The following NPSR1 variants were observed in gnomAD, a reference collection of about 807,000 sequenced individuals.
NPSR1 encodes the protein neuropeptide S receptor.
NPSR1 carries 48 observed loss-of-function variants against 46.9 expected under a neutral mutation model. The observed-to-expected ratio is 1.02, with a 90% confidence interval of 0.81 to 1.30. The LOEUF (loss-of-function observed/expected upper bound fraction) is 1.30. NPSR1 is among the 50% of genes most tolerant of loss of function. The pLI is 0.00. For synonymous variants in NPSR1, 176 were observed against 168.1 expected (o/e 1.05, Z -0.36); for missense variants, 450 against 449.5 (o/e 1.00, Z -0.01).
intron 1 of NPSR1, among the ~76,000 whole-genome samples, chr7:34,667,435 G>A (rs528631924): frequency 5.9e-5 from 9 of 152,264 alleles, no homozygotes; most frequent in Admixed American, 5.2e-4. Flanking sequence ...GGGGAGGACC[G>A]ATGCTCTTCC....
At chr7:34,681,155 C>A (rs1181273305) in intron 1 of NPSR1, among the ~76,000 whole-genome samples, 1 of 152,112 alleles carries the variant, frequency 6.6e-6, no homozygotes, top group East Asian at 1.9e-4. Context: ...TCAAGTTCTG[C>A]CCTGCCTCCA....
chr7:34,663,807 A>T (rs919939810), intron 1 of NPSR1, among the ~76,000 whole-genome samples: 9 of 152,168 alleles, frequency 5.9e-5, no homozygotes, highest in African/African-American at 2.2e-4. Context: ...ACCCTCTTGC[A>T]ACAGAAAAAA....
intron 2 of NPSR1, among the ~76,000 whole-genome samples, chr7:34,700,359 T>C (rs1435033427): frequency 6.6e-6 from 1 of 152,170 alleles, no homozygotes; most frequent in Non-Finnish European, 1.5e-5. Context: ...CTAGCAAACA[T>C]GGCCACAATA....
chr7:34,798,042 A>G (rs903425105), intron 3 of NPSR1, among the ~76,000 whole-genome samples: 7 of 152,208 alleles, frequency 4.6e-5, no homozygotes, highest in African/African-American at 1.7e-4. Flanking sequence ...TTCTTCAGAT[A>G]AAGGGGAAAA....
intron 2 of NPSR1, among the ~76,000 whole-genome samples, chr7:34,696,252 A>G (rs1345187659): frequency 6.6e-6 from 1 of 152,064 alleles, no homozygotes; most frequent in African/African-American, 2.4e-5. Flanking sequence ...CATAAGGGGG[A>G]GCTAAATATC....
chr7:34,794,624 ACAC>A (rs930210196), intron 3 of NPSR1, among the ~76,000 whole-genome samples: 3 of 152,176 alleles, frequency 2.0e-5, no homozygotes, highest in Non-Finnish European at 4.4e-5. Context: ...AAAGAAAACT[ACAC>A]CAAGTCTCTA....
intron 2 of NPSR1, among the ~76,000 whole-genome samples, chr7:34,749,659 G>T (rs1785405758): frequency 6.6e-6 from 1 of 152,210 alleles, no homozygotes; most frequent in Admixed American, 6.5e-5. Flanking sequence ...GGGTTGTTGA[G>T]TAAGGGCAGA....
chr7:34,702,440 C>T (rs1035272039), intron 2 of NPSR1, among the ~76,000 whole-genome samples: 1 of 152,218 alleles, frequency 6.6e-6, no homozygotes, highest in African/African-American at 2.4e-5. Flanking sequence ...AATTAAGGAA[C>T]AGTCTCTGGC....
At chr7:34,772,012 G>A (rs867459746) in intron 2 of NPSR1, among the ~76,000 whole-genome samples, 12 of 152,156 alleles carry the variant, frequency 7.9e-5, no homozygotes, top group East Asian at 5.8e-4. Flanking sequence ...GATGCTTTGC[G>A]GTAGGCACAT....
intron 8 of NPSR1, 93 bp downstream of exon 8, chr7:34,848,756 C>A (rs1584140837): frequency 2.8e-6 from 3 of 1,090,650 alleles, no homozygotes; most frequent in Admixed American, 4.3e-5. Flanking sequence ...AACTCTCCAG[C>A]AGGTTACAGG....
chr7:34,857,810 T>C (rs1374923472), intron 8 of NPSR1, among the ~76,000 whole-genome samples: 1 of 151,726 alleles, frequency 6.6e-6, no homozygotes, highest in East Asian at 1.9e-4. Flanking sequence ...GACCAAGATC[T>C]AGTATTTGTA....
chr7:34,680,941 T>A (rs11769589), intron 1 of NPSR1, among the ~76,000 whole-genome samples: 1 of 124,500 alleles, frequency 8.0e-6, no homozygotes, highest in Non-Finnish European at 1.8e-5. Context: ...TTGATAAAGG[T>A]TTTTTTTTTT....
intron 2 of NPSR1, among the ~76,000 whole-genome samples, chr7:34,690,675 A>T (rs1467086724): frequency 6.6e-6 from 1 of 152,210 alleles, no homozygotes; most frequent in East Asian, 1.9e-4. Flanking sequence ...CAGTAAGAAA[A>T]ATATACAGAA....
intron 2 of NPSR1, among the ~76,000 whole-genome samples, chr7:34,714,799 C>T (rs1783484300): frequency 6.6e-6 from 1 of 152,170 alleles, no homozygotes; most frequent in African/African-American, 2.4e-5. Flanking sequence ...TTAAGCTGTG[C>T]ATTGAGAAGT....
At chr7:34,729,479 T>C (rs1359213908) in intron 2 of NPSR1, among the ~76,000 whole-genome samples, 1 of 152,176 alleles carries the variant, frequency 6.6e-6, no homozygotes, top group African/African-American at 2.4e-5. Flanking sequence ...AGAATTTATC[T>C]GAGTAATTTA....
chr7:34,870,888 A>ATGGC (rs1791436100), intron 8 of NPSR1, among the ~76,000 whole-genome samples: 1 of 150,628 alleles, frequency 6.6e-6, no homozygotes, highest in South Asian at 2.1e-4. Flanking sequence ...GGATGGATGG[A>ATGGC]TGGATGGATG....
At chr7:34,796,303 G>T (rs761512837) in intron 3 of NPSR1, among the ~76,000 whole-genome samples, 1 of 151,886 alleles carries the variant, frequency 6.6e-6, no homozygotes, top group Non-Finnish European at 1.5e-5. Context: ...AACACCAAAG[G>T]CATGATCCAT....
chr7:34,754,835 T>C (rs1275786383), intron 2 of NPSR1, among the ~76,000 whole-genome samples: 1 of 152,230 alleles, frequency 6.6e-6, no homozygotes, highest in Non-Finnish European at 1.5e-5. Flanking sequence ...CTACTTCCTA[T>C]GTCTATGAAA....
intron 4 of NPSR1, among the ~76,000 whole-genome samples, chr7:34,823,827 T>C (rs1209925821): frequency 2.0e-5 from 3 of 152,206 alleles, no homozygotes; most frequent in Non-Finnish European, 1.5e-5. Context: ...CTTTTCCAAT[T>C]GCACTTCCCA....
Sources: allele counts gnomAD v4.1 joint callset (sites outside exome capture counted in the v4.1 genomes callset), GRCh38; gene constraint gnomAD v4.1.1; transcripts MANE v1.5; gene names NCBI Gene and HGNC (gene_info 2026-07-23, HGNC 2026-07-21).